Variants in IQCK observed in about 807,000 individuals in gnomAD.
IQCK encodes the protein IQ motif containing K, also known as IQ domain-containing protein K.
In IQCK, 29 loss-of-function variants were observed where a neutral mutation model predicts 28.1. That is an observed-to-expected ratio of 1.03 (90% CI 0.77 to 1.41). The LOEUF is 1.41. IQCK is among the 40% of genes most tolerant of loss of function. IQCK has a pLI of 0.00. For missense variants in IQCK, 359 were observed against 314.7 expected (o/e 1.14, Z -1.07); for synonymous variants, 113 against 115.1 (o/e 0.98, Z 0.12).
chr16:19,845,690 C>A (rs925188119), intron 9 of IQCK, among the ~76,000 whole-genome samples: 1 of 152,190 alleles, frequency 6.6e-6, no homozygotes, highest in African/African-American at 2.4e-5. Flanking sequence ...AAGGCTTACT[C>A]AATGATTTAA....
chr16:19,733,293 A>G (rs1977900404), intron 2 of IQCK, among the ~76,000 whole-genome samples: 1 of 151,952 alleles, frequency 6.6e-6, no homozygotes, highest in Non-Finnish European at 1.5e-5. Flanking sequence ...GCCCGCCACC[A>G]CGCCTGGCTA....
intron 9 of IQCK, among the ~76,000 whole-genome samples, chr16:19,843,636 T>C (rs2056385135): frequency 6.6e-6 from 1 of 152,206 alleles, no homozygotes; most frequent in Admixed American, 6.5e-5. Context: ...ACATTTCTTC[T>C]CTCATAGTTC....
intron 9 of IQCK, among the ~76,000 whole-genome samples, chr16:19,839,144 AATTTATTTATTTATTT>A (rs147206898): frequency 1.3e-5 from 2 of 148,934 alleles, no homozygotes; most frequent in South Asian, 4.4e-4. Context: ...GAACTGAGAA[AATTTATTTATTTATTT>A]ATTTATTTAT....
At chr16:19,745,317 TG>T (rs1454218560) in intron 4 of IQCK, among the ~76,000 whole-genome samples, 2 of 152,158 alleles carry the variant, frequency 1.3e-5, no homozygotes, top group African/African-American at 4.8e-5. Context: ...TCACTATGTC[TG>T]GTACAACTCA....
At chr16:19,738,864 A>C (rs183710388) in intron 4 of IQCK, among the ~76,000 whole-genome samples, 3 of 152,230 alleles carry the variant, frequency 2.0e-5, no homozygotes, top group East Asian at 3.9e-4. Context: ...CCAATTCCAC[A>C]GTGATCTCGC....
intron 2 of IQCK, 25 bp downstream of exon 2, chr16:19,730,519 G>T: frequency 2.0e-6 from 3 of 1,525,042 alleles, no homozygotes; most frequent in Non-Finnish European, 2.7e-6. Context: ...GGCCTCAACC[G>T]AAGCAAGAAG....
At chr16:19,827,247 A>C, downstream of IQCK, 1 of 720,424 alleles carries the variant, frequency 1.4e-6, no homozygotes, top group African/African-American at 1.8e-5. Context: ...TCTGCATGGA[A>C]CTCAGCTTGT....
intron 1 of IQCK, 40 bp from the exon 2 acceptor site, chr16:19,730,390 T>C: frequency 6.9e-7 from 1 of 1,441,564 alleles, no homozygotes; most frequent in East Asian, 2.3e-5. Flanking sequence ...GAAACTCTAG[T>C]GAAGTATGGA....
intron 7 of IQCK, among the ~76,000 whole-genome samples, chr16:19,822,451 T>C (rs1318373198): frequency 6.6e-6 from 1 of 151,406 alleles, no homozygotes; most frequent in Admixed American, 6.6e-5. Flanking sequence ...AAAATAAATG[T>C]CCTATACCTA....
chr16:19,837,920 A>G (rs937747359), intron 9 of IQCK, among the ~76,000 whole-genome samples: 1 of 152,204 alleles, frequency 6.6e-6, no homozygotes, highest in East Asian at 1.9e-4. Flanking sequence ...TCTTCTCACT[A>G]ATGCAGTTTC....
At chr16:19,857,661 C>T (rs1226713295) in exon 10 of IQCK, 1 of 257,368 alleles carries the variant, frequency 3.9e-6, no homozygotes, top group African/African-American at 2.4e-5. Context: ...TGGGGTTTGG[C>T]CTGAGGCGTT....
intron 7 of IQCK, among the ~76,000 whole-genome samples, chr16:19,790,533 C>T (rs1033167211): frequency 8.6e-6 from 1 of 116,326 alleles, no homozygotes; most frequent in Admixed American, 7.3e-5. Flanking sequence ...ACTCTATACA[C>T]AGCTGATGTA....
intron 6 of IQCK, among the ~76,000 whole-genome samples, chr16:19,771,828 C>T (rs1025292228): frequency 3.3e-5 from 5 of 152,208 alleles, no homozygotes; most frequent in Non-Finnish European, 5.9e-5. Context: ...CTCACGTTCA[C>T]ATTCATGTAG....
intron 6 of IQCK, among the ~76,000 whole-genome samples, chr16:19,775,024 G>A (rs1323589151): frequency 3.3e-5 from 5 of 151,964 alleles, no homozygotes; most frequent in East Asian, 1.9e-4. Flanking sequence ...TCAGGAGTTC[G>A]AGACCACCCT....
exon 1 of IQCK, chr16:19,718,302 C>T: frequency 1.2e-6 from 2 of 1,601,626 alleles, no homozygotes; most frequent in Admixed American, 1.7e-5. Context: ...GTGGAAACCG[C>T]GGCCATGGCG....
At chr16:19,762,876 C>T (rs1322616092) in intron 4 of IQCK, among the ~76,000 whole-genome samples, 2 of 151,992 alleles carry the variant, frequency 1.3e-5, no homozygotes, top group Non-Finnish European at 1.5e-5. Flanking sequence ...ATTAGCCAGG[C>T]GTGGTGGTGT....
chr16:19,751,517 G>C (rs546908211), intron 4 of IQCK, among the ~76,000 whole-genome samples: 9 of 152,168 alleles, frequency 5.9e-5, no homozygotes, highest in Non-Finnish European at 1.0e-4. Context: ...TTAAAATTAT[G>C]TTTGAAGGAG....
intron 6 of IQCK, among the ~76,000 whole-genome samples, chr16:19,777,218 C>T (rs1402567331): frequency 2.6e-5 from 4 of 152,142 alleles, no homozygotes; most frequent in Non-Finnish European, 4.4e-5. Flanking sequence ...CTGGGGGAAC[C>T]TATGATATGT....
intron 6 of IQCK, among the ~76,000 whole-genome samples, chr16:19,781,462 T>G (rs1466984102): frequency 1.3e-5 from 2 of 152,140 alleles, no homozygotes; most frequent in Admixed American, 1.3e-4. Flanking sequence ...TAGAGATTAG[T>G]GAAGGGGCCA....
Sources: allele counts gnomAD v4.1 joint callset (sites outside exome capture counted in the v4.1 genomes callset), GRCh38; gene constraint gnomAD v4.1.1; transcripts MANE v1.5; gene names NCBI Gene and HGNC (gene_info 2026-07-23, HGNC 2026-07-21).